HLA-DPA1: variants seen among roughly 807,000 people sequenced by gnomAD.
The protein encoded by HLA-DPA1 is major histocompatibility complex, class II, DP alpha 1.
Under a neutral mutation model 21.5 loss-of-function variants are expected in HLA-DPA1, and 20 were observed. The ratio of observed to expected loss-of-function variants is 0.93; its 90% CI spans 0.66 to 1.35. The LOEUF is 1.35. Ranked by LOEUF, HLA-DPA1 falls within the 40% of genes most tolerant of loss-of-function variation. HLA-DPA1 has a pLI of 0.00. For missense variants in HLA-DPA1, 279 were observed against 323.0 expected, an observed-to-expected ratio of 0.86 and a Z score of 1.05; for synonymous variants, 123 against 129.6, an observed-to-expected ratio of 0.95 and a Z score of 0.35.
rs17509489 is a variant in HLA-DPA1, at chr6:33,068,772, T to C, written c.661A>G (p.Thr221Ala). 9.3e-4 allele frequency: 1,501 copies of C among 1,612,980 alleles called. 34 individuals are homozygous for C. The East Asian group carries it at 0.014, about 15-fold the overall frequency. Residue 221 changes from threonine (T) to alanine (A), a missense_variant, in exon 5 of 6, where the codon ACG becomes GCG. Coordinates refer to ENST00000419277, the Ensembl canonical transcript of HLA-DPA1. ...CCCAGGGCACAGAGCACAGTCTCCGTTGTCTCAGGCATCTGGATTGGCTCT... is the reference window on the plus strand; with the variant it reads ...CCCAGGGCACAGAGCACAGTCTCCGCTGTCTCAGGCATCTGGATTGGCTCT...
At position 33,080,368 on chromosome 6, in the gene HLA-DPA1, G is replaced by A; in HGVS notation, c.-100+312C>T. The stretch of plus-strand genomic sequence containing the variant: ...CAGTGACCCCACGTGAAACGTCTCC[G>A]CCTCCTCCAGCCACCAGCAGAAGGG... On this transcript the variant is annotated intron_variant, in intron 1 of 5. Coordinates refer to ENST00000419277, the Ensembl canonical transcript of HLA-DPA1. This position sits in a 1 kb window ranked among gnomAD's most constrained non-coding sequence, Gnocchi z 4.3. 1.7e-6 allele frequency: 1 copy of A among 592,480 alleles called. No homozygotes were observed. Among genetic ancestry groups the A allele is most frequent in the Non-Finnish European group, 3.2e-6 (1 of 308,380 alleles). The allele number at this position is 592,480 out of a possible 1,614,324, so 36.7% of individuals were successfully genotyped here.
At chr6:33,076,245 T>C (rs1198451493) in intron 1 of HLA-DPA1, 7 of 757,252 alleles carry the variant, frequency 9.2e-6, no homozygotes, top group African/African-American at 8.7e-5. Flanking sequence ...CGGGGGCTCC[T>C]GCCCTAAGGC....
rs115634183 is a variant in HLA-DPA1 at position 33,076,604 on chromosome 6, G to T, written c.-99-2935C>A. Among the ~76,000 whole-genome samples the T allele has an allele frequency of 8.8e-3, 1,347 of 152,292 alleles. 22 individuals carry two copies. The highest frequency in any genetic ancestry group is 0.031 in the African/African-American group (1,284 of 41,550). On this transcript the variant is annotated intron_variant, in intron 1 of 5. Coordinates refer to ENST00000419277, the Ensembl canonical transcript of HLA-DPA1. ...TCTTATTCCCCAGGGTGGAGCAGGA[G>T]CCCACATCCCTTGGACAATTAAGGA...
At chr6:33,069,543 A>G in intron 3 of HLA-DPA1, 98 bp downstream of exon 2, 1 of 1,442,946 alleles carries the variant, frequency 6.9e-7, no homozygotes, top group South Asian at 1.2e-5. Context: ...AGGATCACAC[A>G]GCAGGGGGCA....
exon 4 of HLA-DPA1, chr6:33,069,232 G>A: frequency 6.2e-7 from 1 of 1,612,974 alleles, no homozygotes; most frequent in Non-Finnish European, 8.5e-7. Flanking sequence ...TTGTCAATGT[G>A]GCAGATGAGG....
exon 4 of HLA-DPA1, chr6:33,069,237 A>G (rs1762130053): frequency 6.2e-7 from 1 of 1,613,010 alleles, no homozygotes; most frequent in Non-Finnish European, 8.5e-7. Flanking sequence ...AATGTGGCAG[A>G]TGAGGGTGTT....
Position 33,080,552 on chromosome 6 carries a change from A to G in HLA-DPA1, c.-100+128T>C. On this transcript the variant is annotated intron_variant, in intron 1 of 5. Transcript: ENST00000419277. The surrounding 1 kb of genome is among the most constrained non-coding windows in gnomAD (Gnocchi z 4.3). Reference sequence around the variant, plus strand: ...AGAACTCGGTACTAGGAAAACTCCTATTTTAAAATCCAGCCCTGGGTGGGA... The same window carrying G: ...AGAACTCGGTACTAGGAAAACTCCTGTTTTAAAATCCAGCCCTGGGTGGGA... 6.8e-7 allele frequency: 1 copy of G among 1,463,118 alleles called. No individual in the cohort carries two copies. The allele number at this position is 1,463,118 out of a possible 1,614,324, so 90.6% of individuals were successfully genotyped here.
chr6:33,078,435 G>A (rs779393295), intron 1 of HLA-DPA1, among the ~76,000 whole-genome samples: 1 of 152,134 alleles, frequency 6.6e-6, no homozygotes, highest in Non-Finnish European at 1.5e-5. Context: ...CCAAAGGGCT[G>A]AGGAGCCAGG....
rs150578166 is a variant in HLA-DPA1, at chr6:33,068,591, C to T, written c.*12+47G>A. The T allele has an allele frequency of 4.0e-6, 6 of 1,483,212 alleles. No individual in the cohort carries two copies. In the Admixed American group the frequency reaches 5.8e-5, roughly 14 times the overall value. The allele number at this position is 1,483,212 out of a possible 1,614,324, so 91.9% of individuals were successfully genotyped here. A position where few individuals can be genotyped will look rare whatever the true frequency, so the allele number is the denominator to read the frequency against. On this transcript the variant is annotated intron_variant, in intron 5 of 5. Transcript: ENST00000419277. ...ACTTATCAGATTGAATTTTTCCTCCCTTCCTTACATTCTACAAATCCTAGG... is the reference window on the plus strand; with the variant it reads ...ACTTATCAGATTGAATTTTTCCTCCTTTCCTTACATTCTACAAATCCTAGG...
intron 2 of HLA-DPA1, 152 bp from the exon 2 acceptor site, chr6:33,070,038 C>T (rs186090584): frequency 9.1e-6 from 6 of 662,560 alleles, no homozygotes; most frequent in Admixed American, 5.7e-5. Context: ...AGGAGCAACA[C>T]CATAAAGGAA....
At chr6:33,069,578 G>A in intron 3 of HLA-DPA1, 63 bp downstream of exon 2, 1 of 1,587,024 alleles carries the variant, frequency 6.3e-7, no homozygotes, top group Non-Finnish European at 8.6e-7. Flanking sequence ...TCTGAGGGTG[G>A]CAGAGAGGCC....
chr6:33,069,577 G>T, intron 3 of HLA-DPA1, 64 bp downstream of exon 2: 2 of 1,585,028 alleles, frequency 1.3e-6, no homozygotes, highest in Non-Finnish European at 1.7e-6. Flanking sequence ...GTCTGAGGGT[G>T]GCAGAGAGGC....
intron 1 of HLA-DPA1, among the ~76,000 whole-genome samples, chr6:33,077,182 T>A (rs1024316893): frequency 6.6e-6 from 1 of 151,296 alleles, no homozygotes; most frequent in Non-Finnish European, 1.5e-5. Flanking sequence ...TGGTTTTTTG[T>A]CCTTGCAATA....
chr6:33,073,681 T>C, intron 1 of HLA-DPA1, 32 bp from the exon 1 acceptor site: 1 of 718,422 alleles, frequency 1.4e-6, no homozygotes, highest in South Asian at 1.6e-5. Context: ...TGGAAATGGG[T>C]GGAGAGGAAT....
At chr6:33,066,117 C>A (rs68076625) in intron 5 of HLA-DPA1, 1 of 151,922 alleles carries the variant, frequency 6.6e-6, no homozygotes, top group East Asian at 1.9e-4. Flanking sequence ...ATTCACTTCA[C>A]TCTGTTACAA....
At chr6:33,070,276 C>T (rs73739682) in intron 2 of HLA-DPA1, among the ~76,000 whole-genome samples, 43,391 of 151,934 alleles carry the variant, frequency 0.29, 8,102 homozygotes, top group East Asian at 0.66. Context: ...CACAATAACC[C>T]TATGAAGCAA....
chr6:33,068,688 G>A (rs766076005), exon 5 of HLA-DPA1: 32 of 1,612,856 alleles, frequency 2.0e-5, no homozygotes, highest in South Asian at 9.9e-5. Context: ...TGGCCAGAAC[G>A]CAGAGACTTT....
chr6:33,080,339 C>A lies in HLA-DPA1; in HGVS notation c.-100+341G>T. The A allele has an allele frequency of 2.0e-6, 1 of 507,132 alleles. No homozygotes were observed. Among genetic ancestry groups the A allele is most frequent in the Non-Finnish European group, 3.9e-6 (1 of 259,240 alleles). The allele number at this position is 507,132 out of a possible 1,614,324, so 31.4% of individuals were successfully genotyped here. On this transcript the variant is annotated intron_variant, in intron 1 of 5. Transcript: ENST00000419277. This position sits in a 1 kb window ranked among gnomAD's most constrained non-coding sequence, Gnocchi z 4.3. ...CCAGCTCCTCCCGCCCCTGTTTTTT[C>A]TCCCAGTGACCCCACGTGAAACGTC...
At chr6:33,071,726 C>T (rs34197320) in intron 2 of HLA-DPA1, among the ~76,000 whole-genome samples, 43,862 of 151,876 alleles carry the variant, frequency 0.29, 8,377 homozygotes, top group East Asian at 0.69. Context: ...CAAGATGCGA[C>T]CAAACAGCAC....
Sources: allele counts gnomAD v4.1 joint callset (sites outside exome capture counted in the v4.1 genomes callset), GRCh38; gene constraint gnomAD v4.1.1; non-coding constraint Gnocchi (gnomAD v3.1); transcripts MANE v1.5; gene names NCBI Gene and HGNC (gene_info 2026-07-23, HGNC 2026-07-21).